The following TSNAX variants were observed in gnomAD, a reference collection of about 807,000 sequenced individuals.
TSNAX encodes translin associated factor X, also known as translin-associated protein X.
A neutral mutation model predicts 33.0 loss-of-function variants in TSNAX; 12 were observed. That is an observed-to-expected ratio of 0.36 (90% confidence interval 0.23 to 0.59). The LOEUF (loss-of-function observed/expected upper bound fraction) is 0.59. Among genes scored for constraint, TSNAX ranks in the 20% least tolerant of loss-of-function variants. The probability of loss-of-function intolerance (pLI) is 0.74; values close to 1 mark genes in which losing one functional copy is unlikely to be tolerated. For synonymous variants in TSNAX, 110 were observed against 117.2 expected (o/e 0.94, Z 0.40); for missense variants, 267 against 341.3 (o/e 0.78, Z 1.72).
chr1:231,557,037 A>G (rs912444581), intron 4 of TSNAX, among the ~76,000 whole-genome samples: 1 of 152,188 alleles, frequency 6.6e-6, no homozygotes, highest in African/African-American at 2.4e-5. Context: ...TGAAGAGGTC[A>G]AGAATAGATG....
chr1:231,538,939 A>C (rs1250855712), intron 3 of TSNAX, among the ~76,000 whole-genome samples: 2 of 152,090 alleles, frequency 1.3e-5, no homozygotes, highest in Non-Finnish European at 2.9e-5. Context: ...CTCAAAAAAA[A>C]AAAAAAAAAA....
chr1:231,528,803 G>A lies in TSNAX; in HGVS notation c.-8G>A. ...GTCTCCGCTCGTCTCACCGTAGGCT[G>A]TGACGACATGAGCAACAAAGAAGGT... is the stretch of plus-strand genomic sequence containing the variant. On this transcript the variant is annotated 5_prime_UTR_variant, in exon 1 of 6. It adds an upstream start codon to the 5' untranslated region. Transcript: ENST00000366639. 6.2e-7 allele frequency: 1 copy of A among 1,614,234 alleles called. No individual in the cohort carries two copies. Among genetic ancestry groups the A allele is most frequent in the Non-Finnish European group, 8.5e-7 (1 of 1,180,042 alleles).
At chr1:231,537,170 T>C in intron 2 of TSNAX, 43 bp from the exon 3 acceptor site, 1 of 1,422,468 alleles carries the variant, frequency 7.0e-7, no homozygotes, top group Middle Eastern at 1.9e-4. Context: ...TGGTAGGCTT[T>C]GAGTATAGAA....
chr1:231,566,066 A>G lies in TSNAX; in HGVS notation c.*1161A>G, dbSNP rs1661411509. The G allele has an allele frequency of 6.6e-6, 1 of 152,334 alleles. No individual in the cohort carries two copies. The highest frequency in any genetic ancestry group is 2.1e-4 in the South Asian group (1 of 4,834). The allele number at this position is 152,334 out of a possible 1,614,324, so 9.4% of individuals were successfully genotyped here. On this transcript the variant is annotated 3_prime_UTR_variant, in exon 6 of 6. Coordinates refer to ENST00000366639, the MANE Select transcript of TSNAX (RefSeq NM_005999.3). Reference sequence around the variant, plus strand: ...CTTTCCTATTCTAGCATTTAAATTTAAATTTTATTAAAATTAAATAATTTA... The same window carrying G: ...CTTTCCTATTCTAGCATTTAAATTTGAATTTTATTAAAATTAAATAATTTA...
At chr1:231,556,952 A>C (rs181796584) in intron 4 of TSNAX, among the ~76,000 whole-genome samples, 34 of 147,454 alleles carry the variant, frequency 2.3e-4, no homozygotes, top group African/African-American at 8.1e-4. Flanking sequence ...ATGGGAAGCT[A>C]TTTGGGCTTT....
In TSNAX at chr1:231,560,982, A is replaced by C. The variant is rs1661077372; in HGVS notation, c.368-146A>C. 1.1e-5 allele frequency: 8 copies of C among 731,812 alleles called. No homozygotes were observed. In the South Asian group the frequency reaches 1.5e-4, roughly 13 times the overall value. The allele number at this position is 731,812 out of a possible 1,614,324, so 45.3% of individuals were successfully genotyped here. A position where few individuals can be genotyped will look rare whatever the true frequency, so the allele number is the denominator to read the frequency against. ...GTCCCCAGGCCATTCTTTCTATTCTAAGTGTCTAGTCTAGTACTGGCATTG... is the reference window on the plus strand; with the variant it reads ...GTCCCCAGGCCATTCTTTCTATTCTCAGTGTCTAGTCTAGTACTGGCATTG... On this transcript the variant is annotated intron_variant, in intron 4 of 5. Coordinates refer to ENST00000366639, the MANE Select transcript of TSNAX (RefSeq NM_005999.3).
intron 4 of TSNAX, among the ~76,000 whole-genome samples, chr1:231,550,267 G>T (rs1199222569): frequency 6.6e-6 from 1 of 152,208 alleles, no homozygotes; most frequent in Non-Finnish European, 1.5e-5. Flanking sequence ...TGCAGCTAGA[G>T]GATGAGCTAC....
At chr1:231,552,686 A>G (rs1660399507) in intron 4 of TSNAX, among the ~76,000 whole-genome samples, 1 of 152,250 alleles carries the variant, frequency 6.6e-6, no homozygotes, top group South Asian at 2.1e-4. Context: ...GTCTAATACC[A>G]GAACATTTCA....
intron 4 of TSNAX, among the ~76,000 whole-genome samples, chr1:231,554,375 A>C (rs1292567102): frequency 6.6e-6 from 1 of 152,176 alleles, no homozygotes; most frequent in African/African-American, 2.4e-5. Flanking sequence ...GAAGGAATTT[A>C]CGGGAAAAAG....
At chr1:231,548,440 A>G (rs1246735871) in intron 4 of TSNAX, among the ~76,000 whole-genome samples, 2 of 152,256 alleles carry the variant, frequency 1.3e-5, no homozygotes, top group East Asian at 3.9e-4. Context: ...CCATTATCAT[A>G]TTTTATTCAG....
Position 231,560,986 on chromosome 1 carries a change from G to A in TSNAX, c.368-142G>A, listed in dbSNP as rs1327548296. The stretch of plus-strand genomic sequence containing the variant: ...CCAGGCCATTCTTTCTATTCTAAGT[G>A]TCTAGTCTAGTACTGGCATTGTAGT... On this transcript the variant is annotated intron_variant, in intron 4 of 5. Transcript: ENST00000366639. 3 of 760,812 alleles carry A rather than the reference G, an allele frequency of 3.9e-6. No homozygotes were observed. In the African/African-American group the frequency reaches 5.5e-5, roughly 14 times the overall value. 47.1% of individuals were successfully genotyped at this position (760,812 alleles called of 1,614,324 possible).
intron 5 of TSNAX, among the ~76,000 whole-genome samples, chr1:231,561,635 G>A (rs1427726537): frequency 1.3e-5 from 2 of 152,136 alleles, no homozygotes; most frequent in Admixed American, 6.6e-5. Context: ...TTTTAGAGAG[G>A]TTAAGTAACT....
At chr1:231,541,186 T>C (rs1659551562) in intron 3 of TSNAX, among the ~76,000 whole-genome samples, 2 of 152,202 alleles carry the variant, frequency 1.3e-5, no homozygotes, top group Middle Eastern at 3.2e-3. Context: ...TTTTATCTTA[T>C]TTGTAGGCTT....
Position 231,542,497 on chromosome 1 carries a change from G to T in TSNAX, c.253G>T (p.Asp85Tyr). The T allele has an allele frequency of 6.2e-7, 1 of 1,613,872 alleles. No individual in the cohort carries two copies. The highest frequency in any genetic ancestry group is 8.5e-7 in the Non-Finnish European group (1 of 1,179,920). Residue 85 changes from aspartate (D) to tyrosine (Y), a missense_variant, in exon 4 of 6, where the codon GAT becomes TAT. By Grantham distance (160) the Asp-to-Tyr change is radical. Transcript: ENST00000366639. ...HRITSAPDME[D>Y]ILTESEIKLD... ...TGATCATAGTGCTCCTGATATGGAAGATATATTGACTGAATCAGAAATTAA... is the reference window on the plus strand; with the variant it reads ...TGATCATAGTGCTCCTGATATGGAATATATATTGACTGAATCAGAAATTAA...
intron 3 of TSNAX, among the ~76,000 whole-genome samples, chr1:231,538,873 A>G (rs543395104): frequency 6.6e-6 from 1 of 151,220 alleles, no homozygotes; most frequent in East Asian, 1.9e-4. Context: ...TCAAGGCTGC[A>G]GTGAGCCATG....
intron 4 of TSNAX, among the ~76,000 whole-genome samples, chr1:231,559,828 T>C (rs1225277547): frequency 1.3e-5 from 2 of 151,776 alleles, no homozygotes; most frequent in South Asian, 4.1e-4. Flanking sequence ...CTTTTTTTTT[T>C]CTTAAACTAC....
At chr1:231,551,286 G>A (rs1191115158) in intron 4 of TSNAX, among the ~76,000 whole-genome samples, 1 of 152,114 alleles carries the variant, frequency 6.6e-6, no homozygotes, top group Non-Finnish European at 1.5e-5. Flanking sequence ...TAGTCTGTGA[G>A]GTCTCCTTGT....
intron 5 of TSNAX, among the ~76,000 whole-genome samples, chr1:231,562,186 A>G (rs1051022012): frequency 6.7e-6 from 1 of 148,340 alleles, no homozygotes; most frequent in Admixed American, 6.7e-5. Context: ...TTATTAAATT[A>G]TTAATTTAAT....
chr1:231,537,203 G>A lies in TSNAX; in HGVS notation c.122-10G>A. 1 of 1,579,166 alleles carries A rather than the reference G, an allele frequency of 6.3e-7. No homozygotes were observed. Among genetic ancestry groups the A allele is most frequent in the Non-Finnish European group, 8.7e-7 (1 of 1,152,970 alleles). On this transcript the variant is annotated splice_polypyrimidine_tract_variant and intron_variant, in intron 2 of 5. Coordinates refer to ENST00000366639, the MANE Select transcript of TSNAX (RefSeq NM_005999.3). ...GAATATACATGCTTATGATCATAAT[G>A]TGTTTTTAGCATTTCAGCAGGAACT...
Sources: gnomAD v4.1 joint callset for allele counts (sites outside exome capture counted in the v4.1 genomes callset) on GRCh38, gnomAD v4.1.1 for gene constraint, MANE v1.5 for transcripts, NCBI Gene and HGNC (gene_info 2026-07-23, HGNC 2026-07-21) for gene names.